PARD3: variants seen among roughly 807,000 people sequenced by gnomAD.
PARD3 encodes par-3 family cell polarity regulator.
In PARD3, 75 loss-of-function variants were observed where a neutral mutation model predicts 155.4. That is an observed-to-expected ratio of 0.48 (90% CI 0.40 to 0.58). The LOEUF is 0.58. PARD3 is among the 20% of genes least tolerant of loss of function. The pLI is 0.00. For missense variants in PARD3, 1,642 were observed against 1,721.7 expected (o/e 0.95, Z 0.82); for synonymous variants, 576 against 610.5 (o/e 0.94, Z 0.83).
chr10:34,341,884 A>C, intron 15 of PARD3, 68 bp from the exon 16 acceptor site: 1 of 953,046 alleles, frequency 1.0e-6, no homozygotes, highest in Non-Finnish European at 1.6e-6. Context: ...TATTAATTTT[A>C]ATACTTTGCT....
intron 1 of PARD3, among the ~76,000 whole-genome samples, chr10:34,813,591 T>TC (rs1480820553): frequency 6.6e-6 from 1 of 152,110 alleles, no homozygotes; most frequent in East Asian, 1.9e-4. Context: ...TCTCCAAACG[T>TC]CCCCCAAAAT....
intron 2 of PARD3, among the ~76,000 whole-genome samples, chr10:34,534,803 G>T (rs1366494460): frequency 6.6e-6 from 1 of 152,160 alleles, no homozygotes; most frequent in African/African-American, 2.4e-5. Flanking sequence ...TTGAGGTCAG[G>T]AATTCAAGAC....
intron 2 of PARD3, among the ~76,000 whole-genome samples, chr10:34,585,974 A>G (rs1012715782): frequency 6.6e-6 from 1 of 152,196 alleles, no homozygotes; most frequent in Non-Finnish European, 1.5e-5. Flanking sequence ...CAAAAAATGC[A>G]GGTTATTCCA....
At position 34,355,958 on chromosome 10, in the gene PARD3, C is replaced by CAAAAAA. The variant is rs1491326864; in HGVS notation, c.2067+3188_2067+3189insTTTTTT. On this transcript the variant is annotated intron_variant, in intron 14 of 24. Coordinates refer to ENST00000374788, the MANE Select transcript of PARD3 (RefSeq NM_001184785.2). The stretch of plus-strand genomic sequence containing the variant: ...AAAAAAAAAAAAAACAAAACAAAAC[C>CAAAAAA]AAACAAAAAAACAGACAACAGACCC... 1.1e-3 allele frequency among the ~76,000 whole-genome samples: 124 copies of CAAAAAA among 116,170 alleles called. 11 individuals carry two copies. Among genetic ancestry groups the CAAAAAA allele is most frequent in the African/African-American group, 2.6e-3 (57 of 21,674 alleles). 76.2% of individuals were successfully genotyped at this position (116,170 alleles called of 152,430 possible).
At chr10:34,384,737 G>T (rs899068174) in intron 7 of PARD3, among the ~76,000 whole-genome samples, 2 of 152,202 alleles carry the variant, frequency 1.3e-5, no homozygotes, top group African/African-American at 2.4e-5. Context: ...ATGATAATAG[G>T]AAAGATTTCA....
At chr10:34,487,342 CCA>C (rs2079545529) in intron 3 of PARD3, among the ~76,000 whole-genome samples, 1 of 151,592 alleles carries the variant, frequency 6.6e-6, no homozygotes, top group African/African-American at 2.4e-5. Context: ...GATTCTACCC[CCA>C]GTTTTTAATC....
chr10:34,112,894 C>A (rs1328346236), intron 24 of PARD3, among the ~76,000 whole-genome samples: 1 of 152,190 alleles, frequency 6.6e-6, no homozygotes, highest in African/African-American at 2.4e-5. Context: ...GCATGTCTGT[C>A]TCTTTTAACG....
intron 2 of PARD3, among the ~76,000 whole-genome samples, chr10:34,678,632 TAA>T (rs2133311779): frequency 6.6e-6 from 1 of 152,112 alleles, no homozygotes; most frequent in Non-Finnish European, 1.5e-5. Context: ...ACCCTTGCAA[TAA>T]GTGAATAAAC....
At chr10:34,573,730 AACAAAAACACACAC>A (rs750150261) in intron 2 of PARD3, among the ~76,000 whole-genome samples, 206 of 36,338 alleles carry the variant, frequency 5.7e-3, no homozygotes, top group East Asian at 0.013. Flanking sequence ...CAAACAAACA[AACAAAAACACACAC>A]ACACACACAC....
chr10:34,198,110 C>A (rs1420508134), intron 22 of PARD3, among the ~76,000 whole-genome samples: 1 of 152,186 alleles, frequency 6.6e-6, no homozygotes, highest in Non-Finnish European at 1.5e-5. Context: ...CTAACATTAA[C>A]AATGATAACA....
At chr10:34,463,324 G>C (rs2077791465) in intron 4 of PARD3, among the ~76,000 whole-genome samples, 1 of 102,714 alleles carries the variant, frequency 9.7e-6, no homozygotes, top group African/African-American at 3.8e-5. Context: ...AGGGGAAAGG[G>C]AAAGGAATGG....
intron 5 of PARD3, among the ~76,000 whole-genome samples, chr10:34,432,205 T>C (rs978435161): frequency 6.6e-6 from 1 of 151,256 alleles, no homozygotes; most frequent in African/African-American, 2.4e-5. Flanking sequence ...ACTAAGCAAA[T>C]AGGAAAACGC....
At chr10:34,391,385 C>T (rs1196835557) in intron 7 of PARD3, among the ~76,000 whole-genome samples, 7 of 152,112 alleles carry the variant, frequency 4.6e-5, no homozygotes, top group South Asian at 2.1e-4. Context: ...TCCAGCAGAG[C>T]GAAGGGAGAA....
At chr10:34,473,980 T>C (rs773995) in intron 3 of PARD3, among the ~76,000 whole-genome samples, 9,680 of 152,238 alleles carry the variant, frequency 0.064, 404 homozygotes, top group African/African-American at 0.12. Flanking sequence ...TTGAATTCTT[T>C]CCTGGGCAAA....
intron 4 of PARD3, among the ~76,000 whole-genome samples, chr10:34,462,065 T>C (rs1367632352): frequency 6.6e-6 from 1 of 152,240 alleles, no homozygotes; most frequent in Non-Finnish European, 1.5e-5. Context: ...TTCGAAAATG[T>C]GCTGCATTCA....
intron 20 of PARD3, among the ~76,000 whole-genome samples, chr10:34,288,004 A>G (rs1956483901): frequency 6.6e-6 from 1 of 152,174 alleles, no homozygotes; most frequent in East Asian, 1.9e-4. Context: ...TAAGGTCAGG[A>G]GTTCAAGACC....
chr10:34,703,907 G>T (rs1476677666), intron 1 of PARD3, among the ~76,000 whole-genome samples: 3 of 152,126 alleles, frequency 2.0e-5, no homozygotes, highest in Non-Finnish European at 4.4e-5. Flanking sequence ...GTAGAAAAAA[G>T]ACCTTTTTTA....
At position 34,814,972 on chromosome 10, in the gene PARD3, T is replaced by C. The variant is rs771958692; in HGVS notation, c.24A>G (p.Gly8=). The C allele has an allele frequency of 1.0e-5, 16 of 1,543,364 alleles. No individual in the cohort carries two copies. The highest frequency in any genetic ancestry group is 9.3e-5 in the Admixed American group (5 of 53,504). MKVTVCF[G]RTRVVVPCGD... ...CGCACGGCACGACCACCCGGGTCCG[T>C]CCGAAGCACACGGTCACTTTCATGC... Residue 8 remains glycine (G), a synonymous_variant, in exon 1 of 25, where the codon GGA becomes GGG. Coordinates refer to ENST00000374788, the MANE Select transcript of PARD3 (RefSeq NM_001184785.2).
At chr10:34,370,396 G>A (rs997258179) in intron 12 of PARD3, among the ~76,000 whole-genome samples, 2 of 152,026 alleles carry the variant, frequency 1.3e-5, no homozygotes, top group African/African-American at 2.4e-5. Flanking sequence ...ATTCACAGCC[G>A]ATCATCAGTT....
Sources: gnomAD v4.1 joint callset for allele counts (sites outside exome capture counted in the v4.1 genomes callset) on GRCh38, gnomAD v4.1.1 for gene constraint, MANE v1.5 for transcripts, NCBI Gene and HGNC (gene_info 2026-07-23, HGNC 2026-07-21) for gene names.